OSBPL3: variants seen among roughly 807,000 people sequenced by gnomAD.
The protein encoded by OSBPL3 is oxysterol binding protein like 3, also known as oxysterol-binding protein-related protein 3.
In OSBPL3, 65 loss-of-function variants were observed where a neutral mutation model predicts 120.1. The observed-to-expected ratio is 0.54, with a 90% CI of 0.44 to 0.67. The LOEUF (loss-of-function observed/expected upper bound fraction) is 0.67. OSBPL3 is among the 30% of genes least tolerant of loss of function. The pLI, the probability that OSBPL3 is intolerant of heterozygous loss-of-function variation, is 0.00. For synonymous variants in OSBPL3, 416 were observed against 402.6 expected, an observed-to-expected ratio of 1.03 and a Z score of -0.40; for missense variants, 1,004 against 1,082.1, an observed-to-expected ratio of 0.93 and a Z score of 1.01.
At chr7:24,980,489 G>T (rs962033191), upstream of OSBPL3, among the ~76,000 whole-genome samples, 1 of 152,078 alleles carries the variant, frequency 6.6e-6, no homozygotes, top group African/African-American at 2.4e-5. Context: ...GTGCCTGCGC[G>T]CGGTAGGCGT....
At chr7:24,829,218 T>C (rs1562787113) in intron 16 of OSBPL3, among the ~76,000 whole-genome samples, 3 of 152,232 alleles carry the variant, frequency 2.0e-5, no homozygotes, top group Non-Finnish European at 4.4e-5. Flanking sequence ...AACCAAATTA[T>C]ATTTTCATTT....
At chr7:24,904,148 GC>G (rs1012414907) in intron 1 of OSBPL3, among the ~76,000 whole-genome samples, 2 of 152,162 alleles carry the variant, frequency 1.3e-5, no homozygotes, top group African/African-American at 4.8e-5. Flanking sequence ...CTCCCAGAGT[GC>G]TGGGATTACA....
In OSBPL3 at chr7:24,855,739, G is replaced by T. The variant is rs1291922256; in HGVS notation, c.1028-3105C>A. ...GTCAGGAACACTCTCTGTGATAGGA[G>T]TGCTTTCTTACTTATTTCTAACATG... On this transcript the variant is annotated intron_variant, in intron 10 of 22. Transcript: ENST00000313367. The surrounding 1 kb of genome is among the most constrained non-coding windows in gnomAD (Gnocchi z 4.3). Among the ~76,000 whole-genome samples, 1 of 152,198 alleles carries T rather than the reference G, an allele frequency of 6.6e-6. No homozygotes were observed. The highest frequency in any genetic ancestry group is 2.4e-5 in the African/African-American group (1 of 41,450).
intron 1 of OSBPL3, among the ~76,000 whole-genome samples, chr7:24,961,963 C>T (rs1362833421): frequency 6.6e-6 from 1 of 152,158 alleles, no homozygotes; most frequent in African/African-American, 2.4e-5. Flanking sequence ...TTATTTTTGT[C>T]TGCCCAACCA....
chr7:24,962,359 A>G (rs1322537831), intron 1 of OSBPL3, among the ~76,000 whole-genome samples: 4 of 139,616 alleles, frequency 2.9e-5, no homozygotes, highest in Non-Finnish European at 6.3e-5. Flanking sequence ...GCAAAGAAAG[A>G]AAAAGAAAAA....
Position 24,842,272 on chromosome 7 carries a change from C to G in OSBPL3, c.1401+7G>C. ...TTGAGGCACCATACTGTAAACATTG[C>G]TCAAACCTCGTTTTCTGAAGAGCTT... On this transcript the variant is annotated splice_region_variant and intron_variant, in intron 13 of 22. Coordinates refer to ENST00000313367, the MANE Select transcript of OSBPL3 (RefSeq NM_015550.4). 6.2e-7 allele frequency: 1 copy of G among 1,612,490 alleles called. No individual in the cohort carries two copies. Among genetic ancestry groups the G allele is most frequent in the African/African-American group, 1.3e-5 (1 of 74,940 alleles).
intron 1 of OSBPL3, among the ~76,000 whole-genome samples, chr7:24,973,933 T>C (rs1474447367): frequency 6.6e-6 from 1 of 152,208 alleles, no homozygotes; most frequent in Non-Finnish European, 1.5e-5. Context: ...GAGCCATAGA[T>C]GTAATTTTAA....
At position 24,864,431 on chromosome 7, in the gene OSBPL3, C is replaced by T. The variant is rs113640712; in HGVS notation, c.674-832G>A. ...ACAATGTGCATTGCTGATAAGTTCC[C>T]GGGTGGACGCTGCTGCTCCAGAGAC... On this transcript the variant is annotated intron_variant, in intron 7 of 22. Coordinates refer to ENST00000313367, the MANE Select transcript of OSBPL3 (RefSeq NM_015550.4). Among the ~76,000 whole-genome samples, 121 of 152,242 alleles carry T rather than the reference C, an allele frequency of 7.9e-4. 2 individuals carry two copies. Among genetic ancestry groups the T allele is most frequent in the African/African-American group, 2.9e-3 (119 of 41,550 alleles).
Position 24,833,583 on chromosome 7 carries a change from G to A in OSBPL3, c.1746+903C>T, listed in dbSNP as rs1196883677. On this transcript the variant is annotated intron_variant, in intron 15 of 22. Coordinates refer to ENST00000313367, the MANE Select transcript of OSBPL3 (RefSeq NM_015550.4). This position sits in a 1 kb window ranked among gnomAD's most constrained non-coding sequence, Gnocchi z 4.4. ...TCGGCAGGGCTAGGTCTGTGAAGCC[G>A]AGGGGGCACTCCAATTCCAATGTAG... Among the ~76,000 whole-genome samples, 3 of 152,194 alleles carry A rather than the reference G, an allele frequency of 2.0e-5. No individual in the cohort carries two copies. The highest frequency in any genetic ancestry group is 1.3e-4 in the Admixed American group (2 of 15,282).
chr7:24,945,603 A>G (rs1813628609), intron 1 of OSBPL3, among the ~76,000 whole-genome samples: 1 of 152,246 alleles, frequency 6.6e-6, no homozygotes, highest in Non-Finnish European at 1.5e-5. Flanking sequence ...AAAGTGGCAC[A>G]CTCTGATACG....
Position 24,806,690 on chromosome 7 carries a change from G to A in OSBPL3, c.2444+86C>T, listed in dbSNP as rs1413555757. 7 of 1,204,804 alleles carry A rather than the reference G, an allele frequency of 5.8e-6. No individual in the cohort carries two copies. The highest frequency in any genetic ancestry group is 8.2e-6 in the Non-Finnish European group (7 of 853,770). The allele number at this position is 1,204,804 out of a possible 1,614,324, so 74.6% of individuals were successfully genotyped here. On this transcript the variant is annotated intron_variant, in intron 21 of 22. Transcript: ENST00000313367. This position sits in a 1 kb window ranked among gnomAD's most constrained non-coding sequence, Gnocchi z 5.2. ...ATGACATTTTCCACCTTTCTCAGGT[G>A]CCTCTGGTGGCCTAAGGATTGTTAA... is the stretch of plus-strand genomic sequence containing the variant.
At position 24,862,298 on chromosome 7, in the gene OSBPL3, T is replaced by A. The variant is rs2128250745; in HGVS notation, c.871-529A>T. Reference sequence around the variant, plus strand: ...CTAAAAATGGGTGAGAAATCACATATTCTTTTGGAAATGATAGAAGCATTA... The same window carrying A: ...CTAAAAATGGGTGAGAAATCACATAATCTTTTGGAAATGATAGAAGCATTA... On this transcript the variant is annotated intron_variant, in intron 9 of 22. Coordinates refer to ENST00000313367, the MANE Select transcript of OSBPL3 (RefSeq NM_015550.4). The surrounding 1 kb of genome is among the most constrained non-coding windows in gnomAD (Gnocchi z 4.4). Among the ~76,000 whole-genome samples the A allele has an allele frequency of 6.6e-6, 1 of 152,344 alleles. No individual in the cohort carries two copies. Among genetic ancestry groups the A allele is most frequent in the African/African-American group, 2.4e-5 (1 of 41,586 alleles).
chr7:24,909,294 C>T (rs890265410), intron 1 of OSBPL3, among the ~76,000 whole-genome samples: 8 of 152,076 alleles, frequency 5.3e-5, no homozygotes, highest in Non-Finnish European at 7.4e-5. Flanking sequence ...CATTCTTTGC[C>T]GCTTGGTAGG....
At position 24,862,332 on chromosome 7, in the gene OSBPL3, G is replaced by A. The variant is rs370612045; in HGVS notation, c.871-563C>T. 6.6e-6 allele frequency among the ~76,000 whole-genome samples: 1 copy of A among 152,230 alleles called. No individual in the cohort carries two copies. The highest frequency in any genetic ancestry group is 1.5e-5 in the Non-Finnish European group (1 of 68,046). On this transcript the variant is annotated intron_variant, in intron 9 of 22. Coordinates refer to ENST00000313367, the MANE Select transcript of OSBPL3 (RefSeq NM_015550.4). The surrounding 1 kb of genome is among the most constrained non-coding windows in gnomAD (Gnocchi z 4.4). Reference sequence around the variant, plus strand: ...AAATGATAGAAGCATTAAAGCTATAGGTTGAAAATGACAGCTAAAGCTGCC... The same window carrying A: ...AAATGATAGAAGCATTAAAGCTATAAGTTGAAAATGACAGCTAAAGCTGCC...
In OSBPL3 at chr7:24,867,149, C is replaced by A. The variant is rs1052023910; in HGVS notation, c.382-912G>T. Among the ~76,000 whole-genome samples the A allele has an allele frequency of 6.6e-6, 1 of 152,228 alleles. No homozygotes were observed. The highest frequency in any genetic ancestry group is 6.5e-5 in the Admixed American group (1 of 15,288). On this transcript the variant is annotated intron_variant, in intron 5 of 22. Coordinates refer to ENST00000313367, the MANE Select transcript of OSBPL3 (RefSeq NM_015550.4). The surrounding 1 kb of genome is among the most constrained non-coding windows in gnomAD (Gnocchi z 4.5). Reference sequence around the variant, plus strand: ...GAACAGTGCCAATTATATTAAGCAACAAATAAACTGAAATTTACATTTATC... The same window carrying A: ...GAACAGTGCCAATTATATTAAGCAAAAAATAAACTGAAATTTACATTTATC...
intron 1 of OSBPL3, among the ~76,000 whole-genome samples, chr7:24,971,366 A>G (rs940469023): frequency 6.6e-6 from 1 of 152,262 alleles, no homozygotes; most frequent in Non-Finnish European, 1.5e-5. Context: ...TTAGAAAACA[A>G]ATCAGTTCAA....
In OSBPL3 at chr7:24,851,125, C is replaced by T. The variant is rs543376544; in HGVS notation, c.1158+1379G>A. On this transcript the variant is annotated intron_variant, in intron 11 of 22. Coordinates refer to ENST00000313367, the MANE Select transcript of OSBPL3 (RefSeq NM_015550.4). This position sits in a 1 kb window ranked among gnomAD's most constrained non-coding sequence, Gnocchi z 4.1. ...CATGGGGAGAGGGACCTTGGAAGCC[C>T]ATCAGAGATACCTTTTGTAAATGCA... 1.2e-3 allele frequency among the ~76,000 whole-genome samples: 188 copies of T among 152,144 alleles called. No homozygotes were observed. Among genetic ancestry groups the T allele is most frequent in the African/African-American group, 4.3e-3 (178 of 41,484 alleles).
chr7:24,866,207 C>A lies in OSBPL3; in HGVS notation c.412G>T (p.Val138Leu). The change falls in exon 6 of 23, where the codon GTA (valine) becomes TTA (leucine). Residue 138 changes from valine to leucine, a missense_variant. By Grantham distance (32) the Val-to-Leu change is conservative. Around this residue, in one of 4 missense-constraint regions of OSBPL3, gnomAD observed 255 missense variants for 248.7 expected, o/e 1.03. Transcript: ENST00000313367. The stretch of plus-strand genomic sequence containing the variant: ...ATTCTGTGGTGGCGAAGTTTCGATA[C>A]CCACTCATCAAAGACTTCTTCTGAC... ...VKSEEVFDEW[V>L]SKLRHHRMYR... 1 of 1,612,438 alleles carries A rather than the reference C, an allele frequency of 6.2e-7. No homozygotes were observed. The highest frequency in any genetic ancestry group is 1.1e-5 in the South Asian group (1 of 91,036).
intron 1 of OSBPL3, among the ~76,000 whole-genome samples, chr7:24,948,534 G>A (rs529426220): frequency 3.9e-4 from 59 of 152,102 alleles, no homozygotes; most frequent in African/African-American, 1.3e-3. Flanking sequence ...ATCAGATGGT[G>A]TATAGGATTG....
Sources: allele counts gnomAD v4.1 joint callset (sites outside exome capture counted in the v4.1 genomes callset), GRCh38; gene constraint gnomAD v4.1.1; regional missense constraint gnomAD v4.1.1; non-coding constraint Gnocchi (gnomAD v3.1); transcripts MANE v1.5; gene names NCBI Gene and HGNC (gene_info 2026-07-23, HGNC 2026-07-21).